The following MACF1 variants were observed in gnomAD, a reference collection of about 807,000 sequenced individuals.
The protein encoded by MACF1 is microtubule-actin cross-linking factor 1.
Under a neutral mutation model 854.8 loss-of-function variants are expected in MACF1, and 193 were observed. The ratio of observed to expected loss-of-function variants is 0.23; its 90% CI spans 0.20 to 0.25. The LOEUF is 0.25. MACF1 is among the 10% of genes least tolerant of loss of function. MACF1 has a pLI of 1.00. For synonymous variants in MACF1, 3,185 were observed against 3,226.7 expected, an observed-to-expected ratio of 0.99 and a Z score of 0.44; for missense variants, 7,722 against 8,929.1, an observed-to-expected ratio of 0.86 and a Z score of 5.45.
chr1:39,390,516 AT>A (rs1641989774), intron 58 of MACF1, among the ~76,000 whole-genome samples: 1 of 152,216 alleles, frequency 6.6e-6, no homozygotes, highest in Admixed American at 6.5e-5. Flanking sequence ...GAGTCATCGT[AT>A]TTGGGTTTCT....
At chr1:39,183,403 A>C (rs1430552564) in intron 2 of MACF1, among the ~76,000 whole-genome samples, 2 of 152,192 alleles carry the variant, frequency 1.3e-5, no homozygotes, top group Non-Finnish European at 2.9e-5. Context: ...ATTTGTAGGT[A>C]TGAATAGTAT....
At chr1:39,169,422 T>A (rs1371371405) in intron 2 of MACF1, among the ~76,000 whole-genome samples, 1 of 152,082 alleles carries the variant, frequency 6.6e-6, no homozygotes, top group Non-Finnish European at 1.5e-5. Flanking sequence ...ATAGGGAAAC[T>A]GTGTCTCTAC....
chr1:39,322,963 C>T lies in MACF1; in HGVS notation c.4191C>T (p.His1397=), dbSNP rs750437981. 34 of 1,614,098 alleles carry T rather than the reference C, an allele frequency of 2.1e-5. No homozygotes were observed. Among genetic ancestry groups the T allele is most frequent in the Admixed American group, 6.7e-5 (4 of 60,010 alleles). ...CATTGGTGACTTTAACAACTCAGCA[C>T]GTGAAATACATCAGTGATGCACTCC... The part of the protein sequence containing the change: ...YTALVTLTTQ[H]VKYISDALRR... The change falls in exon 33 of 101, where the codon CAC becomes CAT. Residue 1397 remains histidine, a synonymous_variant. Coordinates refer to ENST00000564288, the MANE Select transcript of MACF1 (RefSeq NM_001394062.1).
chr1:39,181,366 G>A (rs1537818), intron 2 of MACF1, among the ~76,000 whole-genome samples: 97,245 of 152,044 alleles, frequency 0.64, 31,568 homozygotes, highest in South Asian at 0.72. Context: ...TACTTTATAC[G>A]TTCATGCATT....
At chr1:39,423,769 T>C (rs1167460977) in intron 60 of MACF1, among the ~76,000 whole-genome samples, 4 of 152,096 alleles carry the variant, frequency 2.6e-5, no homozygotes, top group African/African-American at 9.7e-5. Flanking sequence ...TACGGCACTT[T>C]TCTCTTGGTT....
At chr1:39,156,122 G>A (rs938803861) in intron 2 of MACF1, among the ~76,000 whole-genome samples, 2 of 152,034 alleles carry the variant, frequency 1.3e-5, no homozygotes, top group South Asian at 2.1e-4. Flanking sequence ...TGATCCGCCT[G>A]CCTCGGCCTC....
intron 2 of MACF1, among the ~76,000 whole-genome samples, chr1:39,188,886 G>A (rs544286757): frequency 2.0e-5 from 3 of 148,754 alleles, no homozygotes; most frequent in Admixed American, 6.6e-5. Flanking sequence ...TTACAGGTGC[G>A]TGCCACCACA....
intron 95 of MACF1, among the ~76,000 whole-genome samples, 191 bp downstream of exon 95, chr1:39,465,303 T>C (rs1644643085): frequency 6.6e-6 from 1 of 151,996 alleles, no homozygotes; most frequent in Admixed American, 6.5e-5. Context: ...AGAATATAAG[T>C]ATAATTTTTT....
intron 2 of MACF1, among the ~76,000 whole-genome samples, chr1:39,166,200 T>C: frequency 6.6e-6 from 1 of 151,760 alleles, no homozygotes; most frequent in South Asian, 2.1e-4. Context: ...CCCGAGTAGC[T>C]GGGATTATAG....
chr1:39,480,809 GTTTC>G, intron 98 of MACF1, 107 bp from the exon 99 acceptor site: 1 of 643,654 alleles, frequency 1.6e-6, no homozygotes, highest in South Asian at 1.9e-5. Flanking sequence ...TTTGTTTTCT[GTTTC>G]TTTAAAATTT....
intron 2 of MACF1, among the ~76,000 whole-genome samples, chr1:39,092,791 CTT>C (rs34465456): frequency 6.7e-6 from 1 of 150,016 alleles, no homozygotes; most frequent in Non-Finnish European, 1.5e-5. Flanking sequence ...TCTTTTCTTT[CTT>C]TTTTTTTTGA....
chr1:39,172,252 T>TC (rs1643961063), intron 2 of MACF1, among the ~76,000 whole-genome samples: 2 of 152,186 alleles, frequency 1.3e-5, no homozygotes, highest in South Asian at 4.1e-4. Flanking sequence ...AAGTTTTTTT[T>TC]CCCCACTGCC....
At chr1:39,320,784 A>G (rs1054693592) in intron 31 of MACF1, among the ~76,000 whole-genome samples, 13 of 151,828 alleles carry the variant, frequency 8.6e-5, no homozygotes, top group African/African-American at 3.2e-4. Flanking sequence ...CCTGGGCAAC[A>G]TATCAAGATC....
In MACF1 at chr1:39,430,808, A is replaced by T. The variant is rs1557650808; in HGVS notation, c.17237A>T (p.Asp5746Val). The change falls in exon 66 of 101, where the codon GAT (aspartate) becomes GTT (valine). Residue 5746 changes from aspartate to valine, a missense_variant. Physicochemically the swap from Asp to Val is radical, Grantham distance 152 (BLOSUM62 -3). Around this residue, in one of 15 missense-constraint regions of MACF1, gnomAD observed 2,807 missense variants for 3,235.8 expected, o/e 0.87. Coordinates refer to ENST00000564288, the MANE Select transcript of MACF1 (RefSeq NM_001394062.1). ...LVPWRAREGLDKLVSDANEQY... is the reference protein window; with the variant it reads ...LVPWRAREGLVKLVSDANEQY... ...CCCTGGAGAGCCAGAGAAGGGCTGGATAAACTTGTGTCCGATGCTAACGAG... is the reference window on the plus strand; with the variant it reads ...CCCTGGAGAGCCAGAGAAGGGCTGGTTAAACTTGTGTCCGATGCTAACGAG... 2 of 1,612,686 alleles carry T rather than the reference A, an allele frequency of 1.2e-6. No individual in the cohort carries two copies. Among genetic ancestry groups the T allele is most frequent in the Non-Finnish European group, 1.7e-6 (2 of 1,180,014 alleles).
At chr1:39,364,683 G>A (rs994384891) in intron 49 of MACF1, among the ~76,000 whole-genome samples, 6 of 151,778 alleles carry the variant, frequency 4.0e-5, no homozygotes, top group Admixed American at 6.6e-5. Context: ...TAGTAGAGAC[G>A]GGGTTTCACC....
intron 58 of MACF1, among the ~76,000 whole-genome samples, chr1:39,391,947 G>A (rs1406315036): frequency 6.6e-6 from 1 of 152,222 alleles, no homozygotes; most frequent in African/African-American, 2.4e-5. Flanking sequence ...GTGGACTGGT[G>A]TTGACAAGGC....
At chr1:39,445,409 G>A (rs960620900) in intron 80 of MACF1, among the ~76,000 whole-genome samples, 1 of 152,180 alleles carries the variant, frequency 6.6e-6, no homozygotes, top group African/African-American at 2.4e-5. Context: ...CTCAGATCAA[G>A]TATGAAATAT....
intron 2 of MACF1, among the ~76,000 whole-genome samples, chr1:39,244,412 G>A (rs1244688506): frequency 6.6e-6 from 1 of 152,034 alleles, no homozygotes; most frequent in Non-Finnish European, 1.5e-5. Flanking sequence ...CTCCTAAGTA[G>A]CTGGGATTAC....
At chr1:39,286,839 T>C (rs59554900) in intron 14 of MACF1, among the ~76,000 whole-genome samples, 9,865 of 152,228 alleles carry the variant, frequency 0.065, 820 homozygotes, top group African/African-American at 0.2. Flanking sequence ...CAGTTAACAC[T>C]GTAATTTGGC....
Sources: gnomAD v4.1 joint callset for allele counts (sites outside exome capture counted in the v4.1 genomes callset) on GRCh38, gnomAD v4.1.1 for gene constraint, gnomAD v4.1.1 regional missense constraint, MANE v1.5 for transcripts, NCBI Gene and HGNC (gene_info 2026-07-23, HGNC 2026-07-21) for gene names.